The following MON2 variants were observed in gnomAD, a reference collection of about 807,000 sequenced individuals.
The protein encoded by MON2 is protein MON2 homolog.
A neutral mutation model predicts 208.6 loss-of-function variants in MON2; 84 were observed. The ratio of observed to expected loss-of-function variants is 0.40; its 90% CI spans 0.34 to 0.48. MON2 has a LOEUF of 0.48. Among genes scored for constraint, MON2 ranks in the 20% least tolerant of loss-of-function variants. The pLI is 0.59. For missense variants in MON2, 1,611 were observed against 2,015.4 expected (o/e 0.80, Z 3.84); for synonymous variants, 660 against 694.0 (o/e 0.95, Z 0.77).
Position 62,535,577 on chromosome 12 carries a change from G to A in MON2, c.1768G>A (p.Ala590Thr), listed in dbSNP as rs777326069. ...NILKAELTMA[A>T]LCGRLGLVTS... ...TTTAAAAGCTGAACTGACTATGGCT[G>A]CTCTTTGTGGAAGACTGGGCCTTGT... The change falls in exon 14 of 35, where the codon GCT becomes ACT. Residue 590 changes from alanine to threonine, a missense_variant. Transcript: ENST00000393630. 48 of 1,613,534 alleles carry A rather than the reference G, an allele frequency of 3.0e-5. No individual in the cohort carries two copies. In the South Asian group the frequency reaches 4.9e-4, roughly 17 times the overall value.
chr12:62,502,384 G>A (rs981061723), intron 7 of MON2, among the ~76,000 whole-genome samples: 1 of 149,070 alleles, frequency 6.7e-6, no homozygotes, highest in African/African-American at 2.5e-5. Flanking sequence ...CTGGGTGAGA[G>A]AGCGAGACCC....
chr12:62,479,930 A>G (rs1227027054), intron 1 of MON2, among the ~76,000 whole-genome samples: 1 of 152,192 alleles, frequency 6.6e-6, no homozygotes, highest in East Asian at 1.9e-4. Flanking sequence ...CACACCTGCA[A>G]TCCTTGATAC....
At chr12:62,517,805 C>G (rs1019556703) in intron 8 of MON2, among the ~76,000 whole-genome samples, 1 of 152,188 alleles carries the variant, frequency 6.6e-6, no homozygotes, top group Non-Finnish European at 1.5e-5. Flanking sequence ...AGCTGAGATA[C>G]TTGGTTTCTG....
intron 1 of MON2, among the ~76,000 whole-genome samples, 167 bp downstream of exon 1, chr12:62,467,485 A>T (rs772495308): frequency 1.3e-5 from 2 of 152,032 alleles, no homozygotes; most frequent in Non-Finnish European, 2.9e-5. Context: ...TCCACTGGAG[A>T]GGGCTGAGGC....
At chr12:62,518,832 A>G (rs1390113527) in intron 8 of MON2, among the ~76,000 whole-genome samples, 1 of 152,172 alleles carries the variant, frequency 6.6e-6, no homozygotes, top group Non-Finnish European at 1.5e-5. Context: ...TATATATAAG[A>G]AAGTAATTCC....
intron 15 of MON2, 21 bp downstream of exon 15, chr12:62,537,284 T>G: frequency 6.5e-7 from 1 of 1,536,552 alleles, no homozygotes; most frequent in Non-Finnish European, 9.0e-7. Flanking sequence ...TGTATTTTTC[T>G]TGGTTATCAA....
Position 62,590,226 on chromosome 12 carries a change from G to A in MON2, c.4990+2070G>A, listed in dbSNP as rs568038063. Among the ~76,000 whole-genome samples the A allele has an allele frequency of 7.2e-5, 11 of 152,242 alleles. No homozygotes were observed. The East Asian group carries it at 1.9e-3, about 27-fold the overall frequency. On this transcript the variant is annotated intron_variant, in intron 34 of 34. Coordinates refer to ENST00000393630, the MANE Select transcript of MON2 (RefSeq NM_015026.3). ...CCGTCTTAGCCTCCCAAGTAGCTGG[G>A]ACTGCAGATACGTGCCACCACACTC...
chr12:62,467,129 G>A lies in MON2; in HGVS notation c.-79G>A. 8.6e-7 allele frequency: 1 copy of A among 1,162,800 alleles called. No individual in the cohort carries two copies. The highest frequency in any genetic ancestry group is 1.5e-5 in the African/African-American group (1 of 66,076). 72.0% of individuals were successfully genotyped at this position (1,162,800 alleles called of 1,614,324 possible). ...GAAGGACCAGAGACACCGGGAGGGA[G>A]CTGCCTGTGGCCCTAAGGAGCTGAC... On this transcript the variant is annotated 5_prime_UTR_variant, in exon 1 of 35. Coordinates refer to ENST00000393630, the MANE Select transcript of MON2 (RefSeq NM_015026.3).
chr12:62,559,850 T>A (rs2074130280), intron 25 of MON2: 1 of 152,142 alleles, frequency 6.6e-6, no homozygotes, highest in Non-Finnish European at 1.5e-5. Flanking sequence ...AGTTAAGATT[T>A]ATGAATGTGA....
rs1298607858 is a variant in MON2, at chr12:62,599,744, T to A, written c.*6995T>A. The A allele has an allele frequency of 3.9e-5, 6 of 152,206 alleles. No homozygotes were observed. Among genetic ancestry groups the A allele is most frequent in the Admixed American group, 3.9e-4 (6 of 15,284 alleles). The allele number at this position is 152,206 out of a possible 1,614,324, so 9.4% of individuals were successfully genotyped here. A position where few individuals can be genotyped will look rare whatever the true frequency, so the allele number is the denominator to read the frequency against. ...TTTCTACTACAGTACAATAGTTTCA[T>A]GTTTTACAGTCCATTAAAATCCAAG... On this transcript the variant is annotated 3_prime_UTR_variant, in exon 35 of 35. Transcript: ENST00000393630.
chr12:62,468,307 A>C (rs1244510756), intron 1 of MON2, among the ~76,000 whole-genome samples: 1 of 152,112 alleles, frequency 6.6e-6, no homozygotes, highest in Non-Finnish European at 1.5e-5. Context: ...AAGTGCTGGG[A>C]TTACAGGCGT....
chr12:62,579,463 C>T (rs1437567042), intron 31 of MON2, among the ~76,000 whole-genome samples: 2 of 151,546 alleles, frequency 1.3e-5, no homozygotes, highest in Non-Finnish European at 2.9e-5. Context: ...GTGGCTCACA[C>T]CTGTAATCTC....
At chr12:62,562,050 T>G (rs1380625982) in intron 26 of MON2, among the ~76,000 whole-genome samples, 2 of 152,130 alleles carry the variant, frequency 1.3e-5, no homozygotes, top group Non-Finnish European at 2.9e-5. Flanking sequence ...TTAAAAAAAT[T>G]CAGTGTAGGG....
chr12:62,490,103 T>C (rs2070032529), intron 2 of MON2: 2 of 639,130 alleles, frequency 3.1e-6, no homozygotes, highest in Non-Finnish European at 4.7e-6. Context: ...GGGGACCTGG[T>C]GGACCTTTTT....
Position 62,513,796 on chromosome 12 carries a change from A to T in MON2, c.984+5316A>T, listed in dbSNP as rs1255527210. On this transcript the variant is annotated intron_variant, in intron 8 of 34. Coordinates refer to ENST00000393630, the MANE Select transcript of MON2 (RefSeq NM_015026.3). ...CCCATCTCTACTAAAAAATACAAAAAAAAACTAGCCGAGCGTGGTGGCAGG... is the reference window on the plus strand; with the variant it reads ...CCCATCTCTACTAAAAAATACAAAATAAAACTAGCCGAGCGTGGTGGCAGG... 2.3e-5 allele frequency among the ~76,000 whole-genome samples: 3 copies of T among 131,542 alleles called. 1 individual carries two copies. Among genetic ancestry groups the T allele is most frequent in the Non-Finnish European group, 5.2e-5 (3 of 57,836 alleles). 86.3% of individuals were successfully genotyped at this position (131,542 alleles called of 152,430 possible).
rs556148049 is a variant in MON2 at position 62,493,227 on chromosome 12, TGTGCATTTTCTAACCTC to T, written c.176-670_176-654del. On this transcript the variant is annotated intron_variant, in intron 2 of 34. Transcript: ENST00000393630. ...AAATTTAATTATGTGTAATTCAGTT[TGTGCATTTTCTAACCTC>T]GTGCATTTTCTAACCTCTTACATTT... 1.2e-3 allele frequency among the ~76,000 whole-genome samples: 180 copies of T among 152,310 alleles called. 2 individuals are homozygous for T. In the East Asian group the frequency reaches 0.012, roughly 10 times the overall value.
intron 8 of MON2, among the ~76,000 whole-genome samples, chr12:62,512,326 G>A (rs575097292): frequency 1.3e-5 from 2 of 152,254 alleles, no homozygotes; most frequent in South Asian, 2.1e-4. Flanking sequence ...AAATCAAAAC[G>A]AGTTAATTAC....
rs777040861 is a variant in MON2, at chr12:62,508,240, CA to C, written c.790-43del. The C allele has an allele frequency of 2.0e-6, 3 of 1,469,342 alleles. No homozygotes were observed. The South Asian group carries it at 3.6e-5, about 18-fold the overall frequency. The allele number at this position is 1,469,342 out of a possible 1,614,324, so 91.0% of individuals were successfully genotyped here. On this transcript the variant is annotated intron_variant, in intron 7 of 34. Coordinates refer to ENST00000393630, the MANE Select transcript of MON2 (RefSeq NM_015026.3). ...ACTGTGTTTTTGGAAGTATTAAGTA[CA>C]AATAAAGTTAATTATTTTTTTCTTT...
chr12:62,534,674 T>C, intron 12 of MON2, among the ~76,000 whole-genome samples, 171 bp from the exon 13 acceptor site: 1 of 148,700 alleles, frequency 6.7e-6, no homozygotes, highest in East Asian at 2.0e-4. Context: ...ATAGTACGGC[T>C]TCTGAGTTTT....
Sources: gnomAD v4.1 joint callset for allele counts (sites outside exome capture counted in the v4.1 genomes callset) on GRCh38, gnomAD v4.1.1 for gene constraint, MANE v1.5 for transcripts, NCBI Gene and HGNC (gene_info 2026-07-23, HGNC 2026-07-21) for gene names.